The following CALD1 variants were observed in gnomAD, a reference collection of about 807,000 sequenced individuals.
CALD1 encodes the protein caldesmon.
CALD1 carries 33 observed loss-of-function variants against 99.9 expected under a neutral mutation model. The ratio of observed to expected loss-of-function variants is 0.33; its 90% CI spans 0.25 to 0.44. The LOEUF (loss-of-function observed/expected upper bound fraction) is 0.44, where lower values mean the gene tolerates loss of function less well. CALD1 is among the 20% of genes least tolerant of loss of function. The probability of loss-of-function intolerance (pLI) is 1.00; values close to 1 mark genes in which losing one functional copy is unlikely to be tolerated. For synonymous variants in CALD1, 310 were observed against 325.0 expected, an observed-to-expected ratio of 0.95 and a Z score of 0.50; for missense variants, 861 against 962.1, an observed-to-expected ratio of 0.89 and a Z score of 1.39.
At chr7:134,855,974 G>C (rs900536981) in intron 2 of CALD1, among the ~76,000 whole-genome samples, 1 of 152,174 alleles carries the variant, frequency 6.6e-6, no homozygotes, top group Non-Finnish European at 1.5e-5. Flanking sequence ...GAAAGCTGTT[G>C]CTGCTGCTTC....
At chr7:134,813,075 G>T (rs751368539) in intron 1 of CALD1, among the ~76,000 whole-genome samples, 26 of 152,164 alleles carry the variant, frequency 1.7e-4, no homozygotes, top group Non-Finnish European at 1.5e-5. Context: ...TGTGTCAAAC[G>T]CTCATGTATT....
the CALD1 span, among the ~76,000 whole-genome samples, chr7:134,724,791 C>A: frequency 6.6e-6 from 1 of 152,164 alleles, no homozygotes; most frequent in Admixed American, 6.5e-5. Context: ...CTTCAGCCAG[C>A]ACTCCTCCAG....
At chr7:134,821,606 A>G (rs150166615) in intron 1 of CALD1, among the ~76,000 whole-genome samples, 24,053 of 100,872 alleles carry the variant, frequency 0.24, 3,219 homozygotes, top group East Asian at 0.51. Flanking sequence ...TTTTTGAGAC[A>G]GAGTCTCGCT....
chr7:134,728,875 C>G, the CALD1 span, among the ~76,000 whole-genome samples: 1 of 137,318 alleles, frequency 7.3e-6, no homozygotes, highest in African/African-American at 2.7e-5. Context: ...TTTTTTGACC[C>G]AGAGTCTTGC....
chr7:134,964,524 A>T (rs995644883), intron 13 of CALD1, among the ~76,000 whole-genome samples: 2 of 152,142 alleles, frequency 1.3e-5, no homozygotes, highest in African/African-American at 4.8e-5. Context: ...GGGATGTTAT[A>T]ATAACTCTCT....
intron 1 of CALD1, among the ~76,000 whole-genome samples, chr7:134,791,458 A>G (rs1797530587): frequency 6.6e-6 from 1 of 152,166 alleles, no homozygotes; most frequent in African/African-American, 2.4e-5. Flanking sequence ...TTGGCCTCTC[A>G]AAGTGCTGGG....
At chr7:134,806,961 C>A (rs144694788) in intron 1 of CALD1, among the ~76,000 whole-genome samples, 61 of 152,148 alleles carry the variant, frequency 4.0e-4, no homozygotes, top group African/African-American at 1.4e-3. Flanking sequence ...CCCCAAATTT[C>A]ACCTATTTAT....
chr7:134,854,165 A>G (rs1014836887), intron 2 of CALD1, among the ~76,000 whole-genome samples: 5 of 152,140 alleles, frequency 3.3e-5, no homozygotes, highest in African/African-American at 9.7e-5. Flanking sequence ...TAGTGCTGCA[A>G]TAAACATACG....
rs549420556 is a variant in CALD1, at chr7:134,970,125, G to A, written c.*1780G>A. On this transcript the variant is annotated 3_prime_UTR_variant, in exon 15 of 15. Coordinates refer to ENST00000361675, the MANE Select transcript of CALD1 (RefSeq NM_033138.4). The stretch of plus-strand genomic sequence containing the variant: ...AGGAAGGAAAGCCATGAAGAATGCA[G>A]AAGTCAAACCCTCATGACAAAGTAG... 6.6e-6 allele frequency: 1 copy of A among 152,236 alleles called. No individual in the cohort carries two copies. The highest frequency in any genetic ancestry group is 1.5e-5 in the Non-Finnish European group (1 of 68,046). 9.4% of individuals were successfully genotyped at this position (152,236 alleles called of 1,614,324 possible).
At chr7:134,711,660 C>CTCTCTCTCTCTCTATATATATATATATA in the CALD1 span, among the ~76,000 whole-genome samples, 2 of 78,350 alleles carry the variant, frequency 2.6e-5, no homozygotes, top group African/African-American at 1.2e-4. Context: ...CTCTCTCTCT[C>CTCTCTCTCTCTCTATATATATATATATA]TATATATATA....
intron 1 of CALD1, among the ~76,000 whole-genome samples, chr7:134,828,767 A>G (rs1003196790): frequency 1.3e-5 from 2 of 152,250 alleles, no homozygotes; most frequent in African/African-American, 4.8e-5. Flanking sequence ...CTTGGAGAAA[A>G]GTAGCAGCAG....
At chr7:134,740,280 G>T (rs528817713), upstream of CALD1, among the ~76,000 whole-genome samples, 16 of 152,022 alleles carry the variant, frequency 1.1e-4, no homozygotes, top group African/African-American at 3.9e-4. Context: ...AATATGCAAT[G>T]ACACAAGTCT....
chr7:134,831,486 T>C (rs544535540), intron 1 of CALD1, among the ~76,000 whole-genome samples: 2 of 151,994 alleles, frequency 1.3e-5, no homozygotes, highest in South Asian at 2.1e-4. Context: ...GCCTGGCTAA[T>C]TTTTTTGTAT....
At chr7:134,795,618 T>TC (rs996319840) in intron 1 of CALD1, among the ~76,000 whole-genome samples, 1 of 152,156 alleles carries the variant, frequency 6.6e-6, no homozygotes, top group Non-Finnish European at 1.5e-5. Flanking sequence ...TTCCCCCTCC[T>TC]CCTTTTCTTT....
At chr7:134,814,745 C>G (rs554351466) in intron 1 of CALD1, among the ~76,000 whole-genome samples, 19 of 152,232 alleles carry the variant, frequency 1.2e-4, no homozygotes, top group Non-Finnish European at 2.4e-4. Context: ...AAGGCACACC[C>G]CTGTTGGAAA....
the CALD1 span, among the ~76,000 whole-genome samples, chr7:134,712,899 A>G: frequency 6.6e-6 from 1 of 152,246 alleles, no homozygotes; most frequent in Admixed American, 6.5e-5. Context: ...ACATGCCTGA[A>G]AATAAACTTT....
chr7:134,958,887 A>ATATATATATTTAAC (rs1554479096), intron 11 of CALD1, among the ~76,000 whole-genome samples: 3,202 of 96,200 alleles, frequency 0.033, 76 homozygotes, highest in Middle Eastern at 0.051. Flanking sequence ...ATATATATAT[A>ATATATATATTTAAC]TATATATATA....
At chr7:134,826,104 TTTAAA>T (rs1392386620) in intron 1 of CALD1, among the ~76,000 whole-genome samples, 11 of 152,144 alleles carry the variant, frequency 7.2e-5, no homozygotes, top group East Asian at 3.9e-4. Flanking sequence ...CTTTAAAAAT[TTTAAA>T]TTAAAGAGGG....
chr7:134,866,928 G>A (rs563113282), intron 2 of CALD1: 6 of 152,268 alleles, frequency 3.9e-5, no homozygotes, highest in South Asian at 4.2e-4. Context: ...GGGGCTGCAG[G>A]GGAATTCTGG....
Sources: gnomAD v4.1 joint callset for allele counts (sites outside exome capture counted in the v4.1 genomes callset) on GRCh38, gnomAD v4.1.1 for gene constraint, MANE v1.5 for transcripts, NCBI Gene and HGNC (gene_info 2026-07-23, HGNC 2026-07-21) for gene names.